Variants in JAK1 observed in about 807,000 individuals in gnomAD.
The protein encoded by JAK1 is Janus kinase 1.
In JAK1, 16 loss-of-function variants were observed where a neutral mutation model predicts 136.6. The observed-to-expected ratio is 0.12, with a 90% CI of 0.08 to 0.18. The LOEUF is 0.18. Ranked by LOEUF, JAK1 falls within the 10% of genes least tolerant of loss-of-function variation. The pLI, the probability that JAK1 is intolerant of heterozygous loss-of-function variation, is 1.00. For synonymous variants in JAK1, 492 were observed against 519.5 expected (o/e 0.95, Z 0.72); for missense variants, 859 against 1,450.1 (o/e 0.59, Z 6.62).
rs1248942051 is a variant in JAK1 at position 64,959,642 on chromosome 1, T to C, written c.-78+6691A>G. Among the ~76,000 whole-genome samples, 4 of 152,228 alleles carry C rather than the reference T, an allele frequency of 2.6e-5. No individual in the cohort carries two copies. The East Asian group carries it at 7.7e-4, about 29-fold the overall frequency. On this transcript the variant is annotated intron_variant, in intron 1 of 24. Transcript: ENST00000342505. ...ATACATTCCTACCAAATTATATACC[T>C]TGGATGGCACTTTAAATTAAATAAA... is the stretch of plus-strand genomic sequence containing the variant.
chr1:65,053,729 CAT>C (rs1027041690), intron 1 of JAK1, among the ~76,000 whole-genome samples: 3 of 152,016 alleles, frequency 2.0e-5, no homozygotes, highest in African/African-American at 7.3e-5. Flanking sequence ...GGTGCACACC[CAT>C]AGTCTCAGCT....
intron 2 of JAK1, among the ~76,000 whole-genome samples, chr1:64,996,354 A>C (rs544000671): frequency 6.6e-6 from 1 of 152,346 alleles, no homozygotes; most frequent in Non-Finnish European, 1.5e-5. Context: ...TCCAGTGTGC[A>C]CATTCTGTAA....
chr1:65,061,483 C>A (rs1398800624), intron 1 of JAK1, among the ~76,000 whole-genome samples: 1 of 152,106 alleles, frequency 6.6e-6, no homozygotes, highest in Non-Finnish European at 1.5e-5. Flanking sequence ...TTGTTTTAAA[C>A]CTTTGAATAT....
intron 1 of JAK1, among the ~76,000 whole-genome samples, chr1:64,898,196 C>T (rs1645053136): frequency 6.6e-6 from 1 of 152,220 alleles, no homozygotes; most frequent in Non-Finnish European, 1.5e-5. Flanking sequence ...TCGCGTCTGG[C>T]TGGGACATCC....
intron 1 of JAK1, among the ~76,000 whole-genome samples, chr1:64,910,139 A>C (rs1645258150): frequency 6.6e-6 from 1 of 152,234 alleles, no homozygotes; most frequent in Non-Finnish European, 1.5e-5. Context: ...TTTAATCTTT[A>C]ACTTAACCCA....
chr1:64,980,059 G>A (rs1000128969), intron 2 of JAK1, among the ~76,000 whole-genome samples: 1 of 152,172 alleles, frequency 6.6e-6, no homozygotes, highest in Admixed American at 6.5e-5. Context: ...GATATTTGTA[G>A]AGCATCTACT....
chr1:64,975,828 G>A (rs1292483880), intron 2 of JAK1, among the ~76,000 whole-genome samples: 7 of 152,108 alleles, frequency 4.6e-5, no homozygotes, highest in African/African-American at 1.4e-4. Flanking sequence ...CCTCCCTAGC[G>A]CCATCCACTT....
intron 2 of JAK1, chr1:64,985,008 C>T (rs991407142): frequency 1.3e-4 from 114 of 868,224 alleles, no homozygotes; most frequent in Non-Finnish European, 1.9e-4. Flanking sequence ...ACAGACAAAG[C>T]TTATCCCATT....
intron 1 of JAK1, among the ~76,000 whole-genome samples, chr1:65,054,980 G>C (rs1052088630): frequency 1.3e-5 from 2 of 152,096 alleles, no homozygotes; most frequent in African/African-American, 4.8e-5. Flanking sequence ...CCTGTTTTTG[G>C]CTTCAAGAGG....
At chr1:64,847,943 GC>G in intron 12 of JAK1, 1 of 453,844 alleles carries the variant, frequency 2.2e-6, no homozygotes, top group East Asian at 3.8e-5. Flanking sequence ...ACAGCCTTTG[GC>G]CAAAACACAG....
intron 4 of JAK1, 99 bp from the exon 5 acceptor site, chr1:64,873,622 G>A: frequency 7.2e-7 from 1 of 1,392,104 alleles, no homozygotes; most frequent in Non-Finnish European, 1.0e-6. Flanking sequence ...GGAGGCTGAA[G>A]TGCCCTGAGA....
intron 1 of JAK1, among the ~76,000 whole-genome samples, chr1:64,946,509 C>A (rs1313652792): frequency 6.6e-6 from 1 of 152,142 alleles, no homozygotes; most frequent in African/African-American, 2.4e-5. Flanking sequence ...CTACGTCAGC[C>A]AGCTACCCAC....
In JAK1 at chr1:64,834,396, G is replaced by A. The variant is rs1654334399; in HGVS notation, c.*166C>T. ...AAGAGGAAGTCCTTACACATATTAA[G>A]CACTACAGTGTGCCTTATACATGTA... On this transcript the variant is annotated 3_prime_UTR_variant, in exon 25 of 25. Transcript: ENST00000342505. 1 of 542,966 alleles carries A rather than the reference G, an allele frequency of 1.8e-6. No individual in the cohort carries two copies. The highest frequency in any genetic ancestry group is 2.6e-5 in the South Asian group (1 of 38,902). 33.6% of individuals were successfully genotyped at this position (542,966 alleles called of 1,614,324 possible).
intron 1 of JAK1, among the ~76,000 whole-genome samples, chr1:64,943,498 T>C (rs115678636): frequency 2.9e-3 from 446 of 152,338 alleles, no homozygotes; most frequent in African/African-American, 0.01. Flanking sequence ...GATGATGATT[T>C]TTTGTGGTAG....
intron 1 of JAK1, among the ~76,000 whole-genome samples, chr1:64,935,349 G>C (rs1157488016): frequency 6.6e-6 from 1 of 152,232 alleles, no homozygotes; most frequent in African/African-American, 2.4e-5. Context: ...GCCCAGGCTA[G>C]AGTGCAATGG....
chr1:65,016,693 G>A (rs1273236516), intron 2 of JAK1, among the ~76,000 whole-genome samples: 1 of 152,056 alleles, frequency 6.6e-6, no homozygotes, highest in Non-Finnish European at 1.5e-5. Context: ...GAGGTCAGGA[G>A]TTAGAGACCA....
intron 2 of JAK1, among the ~76,000 whole-genome samples, chr1:65,010,290 G>A (rs891062638): frequency 2.0e-5 from 3 of 152,096 alleles, no homozygotes; most frequent in East Asian, 1.9e-4. Context: ...TTATGCTTGC[G>A]CTCTCTCTCG....
At chr1:64,836,014 T>G in intron 23 of JAK1, 84 bp downstream of exon 23, 1 of 769,280 alleles carries the variant, frequency 1.3e-6, no homozygotes, top group Non-Finnish European at 2.3e-6. Flanking sequence ...TGGATTCCAT[T>G]TAAAAACAAA....
At chr1:64,884,022 A>G (rs1644816749) in intron 2 of JAK1, among the ~76,000 whole-genome samples, 1 of 152,156 alleles carries the variant, frequency 6.6e-6, no homozygotes, top group Non-Finnish European at 1.5e-5. Flanking sequence ...GACACTGCAC[A>G]CAAAATGATG....
Sources: gnomAD v4.1 joint callset for allele counts (sites outside exome capture counted in the v4.1 genomes callset) on GRCh38, gnomAD v4.1.1 for gene constraint, MANE v1.5 for transcripts, NCBI Gene and HGNC (gene_info 2026-07-23, HGNC 2026-07-21) for gene names.